IGF1: variants seen among roughly 807,000 people sequenced by gnomAD.
IGF1 encodes the protein insulin-like growth factor 1.
Under a neutral mutation model 13.8 loss-of-function variants are expected in IGF1, and 4 were observed. The observed-to-expected ratio is 0.29, with a 90% CI of 0.14 to 0.66. The LOEUF is 0.66. Ranked by LOEUF, IGF1 falls within the 30% of genes least tolerant of loss-of-function variation. IGF1 has a pLI of 0.78. For synonymous variants in IGF1, 76 were observed against 72.6 expected (o/e 1.05, Z -0.23); for missense variants, 124 against 188.5 (o/e 0.66, Z 2.00).
chr12:102,438,048 A>G (rs1877393413), intron 2 of IGF1, among the ~76,000 whole-genome samples: 1 of 152,192 alleles, frequency 6.6e-6, no homozygotes, highest in South Asian at 2.1e-4. Context: ...AGGCATATCA[A>G]CCCTCTGCAT....
At chr12:102,462,069 T>C (rs1456266034) in intron 2 of IGF1, among the ~76,000 whole-genome samples, 2 of 152,200 alleles carry the variant, frequency 1.3e-5, no homozygotes, top group Admixed American at 1.3e-4. Context: ...TGACTCTGCA[T>C]TTCTAAAAAG....
chr12:102,473,922 TG>T (rs1195218827), intron 2 of IGF1, among the ~76,000 whole-genome samples: 1 of 152,186 alleles, frequency 6.6e-6, no homozygotes, highest in Non-Finnish European at 1.5e-5. Flanking sequence ...GCACTGTGCA[TG>T]GAAATTCTGG....
intron 2 of IGF1, among the ~76,000 whole-genome samples, chr12:102,474,233 C>G (rs1419396537): frequency 6.6e-6 from 1 of 152,170 alleles, no homozygotes; most frequent in Non-Finnish European, 1.5e-5. Context: ...AAATCACTCA[C>G]CCAATGCACT....
chr12:102,413,112 G>A, intron 3 of IGF1, among the ~76,000 whole-genome samples: 1 of 152,184 alleles, frequency 6.6e-6, no homozygotes, highest in East Asian at 1.9e-4. Context: ...CAGTAACTGG[G>A]CTTTAAGTAT....
In IGF1 at chr12:102,412,038, A is replaced by G. The variant is rs139037507; in HGVS notation, c.402+7471T>C. On this transcript the variant is annotated intron_variant, in intron 3 of 3. Coordinates refer to ENST00000337514, the MANE Select transcript of IGF1 (RefSeq NM_000618.5). ...TTCTAAAATTGCAAATTGGTTCTAT[A>G]GGAAAGTTACTGCAGTCTATAGACA... Among the ~76,000 whole-genome samples the G allele has an allele frequency of 7.9e-5, 12 of 152,324 alleles. No homozygotes were observed. In the East Asian group the frequency reaches 2.1e-3, roughly 27 times the overall value.
At chr12:102,437,334 A>C (rs1195192082) in intron 2 of IGF1, among the ~76,000 whole-genome samples, 1 of 152,240 alleles carries the variant, frequency 6.6e-6, no homozygotes, top group African/African-American at 2.4e-5. Context: ...AGGAAGCTTG[A>C]GAGGTGGTAG....
At chr12:102,403,245 A>G (rs2136942323) in intron 3 of IGF1, among the ~76,000 whole-genome samples, 1 of 152,306 alleles carries the variant, frequency 6.6e-6, no homozygotes, top group Non-Finnish European at 1.5e-5. Context: ...CAAAGATTAA[A>G]TAATTAATAT....
intron 2 of IGF1, among the ~76,000 whole-genome samples, chr12:102,449,924 C>T (rs1194731682): frequency 1.3e-5 from 2 of 152,042 alleles, no homozygotes; most frequent in African/African-American, 4.8e-5. Context: ...CTCCAAAGAA[C>T]ACCGGGCTCA....
chr12:102,465,048 G>A (rs1184364084), intron 2 of IGF1, among the ~76,000 whole-genome samples: 1 of 152,206 alleles, frequency 6.6e-6, no homozygotes, highest in South Asian at 2.1e-4. Context: ...TAGTGATACT[G>A]AGTGAGCATT....
chr12:102,452,941 C>T (rs1879091646), intron 2 of IGF1, among the ~76,000 whole-genome samples: 1 of 152,072 alleles, frequency 6.6e-6, no homozygotes, highest in Admixed American at 6.5e-5. Flanking sequence ...CACGTTGCAC[C>T]CTGTGAAAAC....
intron 3 of IGF1, among the ~76,000 whole-genome samples, chr12:102,405,218 C>T (rs1029408815): frequency 1.3e-5 from 2 of 151,872 alleles, no homozygotes; most frequent in Non-Finnish European, 2.9e-5. Context: ...TCCCAAGTAG[C>T]TGGGATTACA....
chr12:102,445,499 A>G (rs955148710), intron 2 of IGF1, among the ~76,000 whole-genome samples: 4 of 152,134 alleles, frequency 2.6e-5, no homozygotes, highest in Non-Finnish European at 5.9e-5. Context: ...CTTTGTAGCA[A>G]TTGTGAATGG....
chr12:102,439,225 A>AT (rs931790333), intron 2 of IGF1, among the ~76,000 whole-genome samples: 11 of 151,998 alleles, frequency 7.2e-5, no homozygotes, highest in African/African-American at 2.2e-4. Context: ...GGTGGCCTGC[A>AT]TTTTTTTTCA....
At chr12:102,446,592 C>G (rs1878352670) in intron 2 of IGF1, among the ~76,000 whole-genome samples, 1 of 152,008 alleles carries the variant, frequency 6.6e-6, no homozygotes, top group Non-Finnish European at 1.5e-5. Flanking sequence ...TTTTTTATTG[C>G]ATCTATTTGA....
chr12:102,405,316 G>A (rs932804595), intron 3 of IGF1, among the ~76,000 whole-genome samples: 1 of 150,688 alleles, frequency 6.6e-6, no homozygotes, highest in Admixed American at 6.6e-5. Context: ...TTGAACTCCT[G>A]ACCTCAGGTG....
intron 2 of IGF1, among the ~76,000 whole-genome samples, chr12:102,468,150 CT>C (rs201295118): frequency 2.0e-5 from 3 of 151,970 alleles, no homozygotes; most frequent in South Asian, 2.1e-4. Flanking sequence ...TTTGACCCCT[CT>C]TTTTTTTGGC....
At chr12:102,420,099 A>G (rs752514557) in intron 2 of IGF1, among the ~76,000 whole-genome samples, 5 of 152,166 alleles carry the variant, frequency 3.3e-5, no homozygotes, top group South Asian at 4.1e-4. Context: ...GACAGCTCAC[A>G]TGTTTGCCTT....
chr12:102,453,202 T>C (rs1417047779), intron 2 of IGF1, among the ~76,000 whole-genome samples: 1 of 152,188 alleles, frequency 6.6e-6, no homozygotes, highest in Non-Finnish European at 1.5e-5. Flanking sequence ...GCTGGAATAA[T>C]GTGTTAGGTG....
At chr12:102,414,704 A>T (rs971104929) in intron 3 of IGF1, among the ~76,000 whole-genome samples, 1 of 152,292 alleles carries the variant, frequency 6.6e-6, no homozygotes, top group East Asian at 1.9e-4. Flanking sequence ...GATTACAGGC[A>T]TGAGCCACTG....
Sources: gnomAD v4.1 joint callset for allele counts (sites outside exome capture counted in the v4.1 genomes callset) on GRCh38, gnomAD v4.1.1 for gene constraint, MANE v1.5 for transcripts, NCBI Gene and HGNC (gene_info 2026-07-23, HGNC 2026-07-21) for gene names.